PCDH11Y: variants seen among roughly 807,000 people sequenced by gnomAD.
The protein encoded by PCDH11Y is protocadherin 11 Y-linked, also known as protocadherin-11 Y-linked.
For synonymous variants in PCDH11Y, 9 were observed against 83.6 expected, an observed-to-expected ratio of 0.11 and a Z score of 4.87; for missense variants, 12 against 224.8, an observed-to-expected ratio of 0.05 and a Z score of 6.05.
chrY:5,128,925 C>T (rs2052829361), intron 2 of PCDH11Y, among the ~76,000 whole-genome samples: 1 of 33,217 alleles, frequency 3.0e-5, no homozygotes, highest in African/African-American at 1.2e-4. Context: ...TTGTTAGATT[C>T]ATAGGTAGTG....
chrY:5,276,699 C>T, intron 2 of PCDH11Y, among the ~76,000 whole-genome samples: 5 of 33,238 alleles, frequency 1.5e-4, no homozygotes, highest in Admixed American at 1.4e-3. Flanking sequence ...ATGAATGTCC[C>T]ATCCCCATTT....
intron 2 of PCDH11Y, among the ~76,000 whole-genome samples, chrY:5,336,407 A>G: frequency 6.5e-5 from 2 of 30,736 alleles, no homozygotes; most frequent in South Asian, 1.5e-3. Flanking sequence ...AGTAGCTGGG[A>G]CTACAGGCGC....
chrY:5,035,084 TTTG>T (rs2052597178), intron 3 of PCDH11Y, among the ~76,000 whole-genome samples: 1 of 30,338 alleles, frequency 3.3e-5, no homozygotes, highest in Non-Finnish European at 8.0e-5. Flanking sequence ...GCTTTCAGTT[TTTG>T]TTGTTGTTGT....
At chrY:5,147,830 G>A (rs2052859217) in intron 2 of PCDH11Y, among the ~76,000 whole-genome samples, 1 of 32,809 alleles carries the variant, frequency 3.0e-5, no homozygotes, top group Non-Finnish European at 7.5e-5. Context: ...TGGAAGAAAA[G>A]GGCTGTAATC....
intron 2 of PCDH11Y, among the ~76,000 whole-genome samples, chrY:5,241,259 A>C (rs2052987988): frequency 3.1e-5 from 1 of 32,772 alleles, no homozygotes; most frequent in Non-Finnish European, 7.4e-5. Context: ...TTGATCTTCT[A>C]TCTAGACCTC....
intron 2 of PCDH11Y, among the ~76,000 whole-genome samples, chrY:5,213,332 AG>A (rs2052941246): frequency 3.5e-5 from 1 of 28,396 alleles, no homozygotes; most frequent in Admixed American, 3.4e-4. Flanking sequence ...ACTGTGGTAG[AG>A]GACACAGACC....
At chrY:5,549,020 CATA>C (rs2124693863) in intron 3 of PCDH11Y, among the ~76,000 whole-genome samples, 1 of 30,746 alleles carries the variant, frequency 3.3e-5, no homozygotes, top group East Asian at 8.7e-4. Flanking sequence ...AACAAGCCAG[CATA>C]ATAACCAGCT....
intron 3 of PCDH11Y, among the ~76,000 whole-genome samples, chrY:5,531,398 A>C: frequency 3.0e-5 from 1 of 33,530 alleles, no homozygotes; most frequent in Non-Finnish European, 7.4e-5. Flanking sequence ...GCTTACTGAG[A>C]CATAACTGTC....
intron 2 of PCDH11Y, among the ~76,000 whole-genome samples, chrY:5,181,029 T>C: frequency 3.0e-5 from 1 of 33,552 alleles, no homozygotes; most frequent in Admixed American, 2.7e-4. Context: ...CTGTGTACTT[T>C]AGTGTGTTTT....
At chrY:5,675,532 C>G in intron 4 of PCDH11Y, among the ~76,000 whole-genome samples, 5 of 33,400 alleles carry the variant, frequency 1.5e-4, no homozygotes, top group Non-Finnish European at 1.5e-4. Context: ...TCATCCAAGA[C>G]AAGGCAAGTC....
intron 2 of PCDH11Y, among the ~76,000 whole-genome samples, chrY:5,288,759 G>A (rs2124661615): frequency 7.7e-5 from 2 of 25,881 alleles, no homozygotes; most frequent in African/African-American, 3.1e-4. Flanking sequence ...TGGGGGACTG[G>A]CAGGGGTAGG....
intron 4 of PCDH11Y, among the ~76,000 whole-genome samples, chrY:5,672,213 CGT>C (rs765882875): frequency 3.3e-5 from 1 of 30,133 alleles, no homozygotes; most frequent in African/African-American, 1.3e-4. Context: ...CTGCAATTTT[CGT>C]GTGTGTGTGT....
At chrY:5,258,912 A>G (rs2053014551) in intron 2 of PCDH11Y, among the ~76,000 whole-genome samples, 1 of 33,198 alleles carries the variant, frequency 3.0e-5, no homozygotes, top group African/African-American at 1.2e-4. Context: ...TCCAGCTATT[A>G]TTGTGTTGGG....
intron 4 of PCDH11Y, among the ~76,000 whole-genome samples, chrY:5,644,155 C>T: frequency 3.0e-5 from 1 of 32,867 alleles, no homozygotes; most frequent in Non-Finnish European, 7.5e-5. Context: ...ACAGAATTAA[C>T]TCTGACAGTT....
chrY:5,449,388 C>G, intron 2 of PCDH11Y, among the ~76,000 whole-genome samples: 1 of 32,893 alleles, frequency 3.0e-5, no homozygotes, highest in Non-Finnish European at 7.5e-5. Flanking sequence ...GCCTTCAGTT[C>G]CAAATGAACA....
At chrY:5,676,762 G>A (rs2053553994) in intron 4 of PCDH11Y, among the ~76,000 whole-genome samples, 2 of 32,765 alleles carry the variant, frequency 6.1e-5, no homozygotes. Flanking sequence ...ATCACTATCA[G>A]CACTTTGGTC....
intron 2 of PCDH11Y, among the ~76,000 whole-genome samples, chrY:5,464,460 T>C: frequency 3.2e-5 from 1 of 31,010 alleles, no homozygotes; most frequent in Non-Finnish European, 7.8e-5. Flanking sequence ...TGGTAGGCTA[T>C]GTCAGAGGGA....
intron 2 of PCDH11Y, among the ~76,000 whole-genome samples, chrY:5,340,561 C>T (rs2053143875): frequency 1.4e-3 from 46 of 33,184 alleles, no homozygotes; most frequent in African/African-American, 5.2e-3. Context: ...TTTCTCTGAG[C>T]GATAGTTGCC....
chrY:5,379,487 G>A, intron 2 of PCDH11Y, among the ~76,000 whole-genome samples: 1 of 30,323 alleles, frequency 3.3e-5, no homozygotes, highest in African/African-American at 1.3e-4. Context: ...AGGCACTCCT[G>A]CTTTCCCGCC....
Sources: gnomAD v4.1 joint callset for allele counts (sites outside exome capture counted in the v4.1 genomes callset) on GRCh38, gnomAD v4.1.1 for gene constraint, MANE v1.5 for transcripts, NCBI Gene and HGNC (gene_info 2026-07-23, HGNC 2026-07-21) for gene names.